CTNNA2: variants seen among roughly 807,000 people sequenced by gnomAD.
The protein encoded by CTNNA2 is catenin alpha-2.
A neutral mutation model predicts 101.0 loss-of-function variants in CTNNA2; 42 were observed. The ratio of observed to expected loss-of-function variants is 0.42; its 90% CI spans 0.32 to 0.54. CTNNA2 has a LOEUF of 0.54. Ranked by LOEUF, CTNNA2 falls within the 20% of genes least tolerant of loss-of-function variation. The probability of loss-of-function intolerance (pLI) is 0.14; values close to 1 mark genes in which losing one functional copy is unlikely to be tolerated. For missense variants in CTNNA2, 871 were observed against 1,223.1 expected (o/e 0.71, Z 4.29); for synonymous variants, 450 against 456.4 (o/e 0.99, Z 0.18).
At position 79,668,159 on chromosome 2, in the gene CTNNA2, G is replaced by A. The variant is rs553703894; in HGVS notation, c.102+16501G>A. Among the ~76,000 whole-genome samples, 317 of 143,074 alleles carry A rather than the reference G, an allele frequency of 2.2e-3. 3 individuals carry two copies. Among genetic ancestry groups the A allele is most frequent in the East Asian group, 4.5e-3 (20 of 4,476 alleles). The allele number at this position is 143,074 out of a possible 152,430, so 93.9% of individuals were successfully genotyped here. A position where few individuals can be genotyped will look rare whatever the true frequency, so the allele number is the denominator to read the frequency against. On this transcript the variant is annotated intron_variant, in intron 2 of 18. Transcript: ENST00000402739. ...GGAGGCTGAGGCAGGAGAATGGCGT[G>A]AACCCAGGAAGTGGAGCTTGCAGTG... is the stretch of plus-strand genomic sequence containing the variant.
chr2:79,471,542 A>C (rs147447103), intron 4 of CTNNA2, among the ~76,000 whole-genome samples: 1 of 152,282 alleles, frequency 6.6e-6, no homozygotes, highest in African/African-American at 2.4e-5. Context: ...TCGGAGGTTA[A>C]GATTTTAACA....
At chr2:80,018,081 G>A (rs1694278822) in intron 7 of CTNNA2, among the ~76,000 whole-genome samples, 1 of 152,158 alleles carries the variant, frequency 6.6e-6, no homozygotes, top group Non-Finnish European at 1.5e-5. Context: ...GTAATTTTAA[G>A]GAGATGGAAT....
intron 2 of CTNNA2, among the ~76,000 whole-genome samples, chr2:79,694,484 CTATT>C (rs1232692891): frequency 2.0e-5 from 3 of 151,480 alleles, no homozygotes; most frequent in Non-Finnish European, 4.4e-5. Flanking sequence ...TCTTTGTCAA[CTATT>C]TGAGCTTAAC....
At chr2:80,219,600 C>T (rs1708461873) in intron 7 of CTNNA2, among the ~76,000 whole-genome samples, 1 of 152,150 alleles carries the variant, frequency 6.6e-6, no homozygotes, top group Non-Finnish European at 1.5e-5. Context: ...CCTATCTTCT[C>T]TGTAATACCT....
chr2:80,037,067 A>T (rs1695715614), intron 7 of CTNNA2, among the ~76,000 whole-genome samples: 1 of 152,160 alleles, frequency 6.6e-6, no homozygotes, highest in African/African-American at 2.4e-5. Flanking sequence ...AATGAATGTT[A>T]CTGTTGAGTC....
Position 80,313,475 on chromosome 2 carries a change from C to T in CTNNA2, c.1057-79736C>T, listed in dbSNP as rs17018984. ...CAAACCAATATTATTCATGCTATGGCAGAGATGTAAACAAGAGCTGTGGTT... is the reference window on the plus strand; with the variant it reads ...CAAACCAATATTATTCATGCTATGGTAGAGATGTAAACAAGAGCTGTGGTT... On this transcript the variant is annotated intron_variant, in intron 7 of 18. Coordinates refer to ENST00000402739, the MANE Select transcript of CTNNA2 (RefSeq NM_001282597.3). 154,526 of 1,543,296 alleles carry T rather than the reference C, an allele frequency of 0.1. 9,143 individuals are homozygous for T. The highest frequency in any genetic ancestry group is 0.28 in the East Asian group (11,541 of 41,510).
At chr2:79,436,123 C>A (rs560461088) in intron 4 of CTNNA2, among the ~76,000 whole-genome samples, 1 of 152,234 alleles carries the variant, frequency 6.6e-6, no homozygotes, top group Non-Finnish European at 1.5e-5. Context: ...ATGCAGTTAG[C>A]GTAATCTCAA....
chr2:79,217,286 G>T (rs1007348268), intron 2 of CTNNA2, among the ~76,000 whole-genome samples: 1 of 152,198 alleles, frequency 6.6e-6, no homozygotes, highest in Non-Finnish European at 1.5e-5. Context: ...GAGGTCCCCC[G>T]ATCCGAGTCA....
At chr2:79,671,727 T>C (rs1682853154) in intron 2 of CTNNA2, among the ~76,000 whole-genome samples, 2 of 152,222 alleles carry the variant, frequency 1.3e-5, no homozygotes, top group African/African-American at 4.8e-5. Context: ...ACATGATTTG[T>C]AGTATAAATT....
At chr2:80,447,176 A>G (rs999815970) in intron 9 of CTNNA2, among the ~76,000 whole-genome samples, 3 of 152,160 alleles carry the variant, frequency 2.0e-5, no homozygotes, top group Admixed American at 1.3e-4. Context: ...GGGAATGATT[A>G]GTAGTCCAGA....
At chr2:79,941,565 G>A (rs1157736229) in intron 7 of CTNNA2, among the ~76,000 whole-genome samples, 2 of 152,208 alleles carry the variant, frequency 1.3e-5, no homozygotes, top group Non-Finnish European at 2.9e-5. Flanking sequence ...AGCAGTGAGT[G>A]CTGGATGATA....
chr2:80,636,560 A>T (rs937303136), intron 18 of CTNNA2, among the ~76,000 whole-genome samples: 33 of 152,158 alleles, frequency 2.2e-4, no homozygotes, highest in African/African-American at 7.5e-4. Context: ...GAATGAGGTA[A>T]GGTGGTGTCA....
intron 18 of CTNNA2, among the ~76,000 whole-genome samples, chr2:80,619,458 C>A (rs1427135557): frequency 1.3e-5 from 2 of 151,840 alleles, no homozygotes; most frequent in Non-Finnish European, 2.9e-5. Flanking sequence ...ATTTTTATTT[C>A]TTTATTTCTC....
chr2:80,494,007 G>T (rs550991893), intron 9 of CTNNA2, among the ~76,000 whole-genome samples: 1 of 152,278 alleles, frequency 6.6e-6, no homozygotes, highest in East Asian at 1.9e-4. Flanking sequence ...GTGGATAAGT[G>T]GTCTGCGTGA....
chr2:79,324,237 G>A (rs1227202897), intron 3 of CTNNA2, among the ~76,000 whole-genome samples: 2 of 152,214 alleles, frequency 1.3e-5, no homozygotes, highest in Admixed American at 1.3e-4. Flanking sequence ...CCACATAGGG[G>A]CACCCACCTG....
intron 1 of CTNNA2, among the ~76,000 whole-genome samples, chr2:79,197,425 G>GC (rs1277419261): frequency 6.6e-6 from 1 of 152,212 alleles, no homozygotes; most frequent in Non-Finnish European, 1.5e-5. Flanking sequence ...TATAGAAGCT[G>GC]CCAGTCATTG....
At chr2:79,528,366 C>A (rs887686625) in intron 1 of CTNNA2, among the ~76,000 whole-genome samples, 3 of 151,876 alleles carry the variant, frequency 2.0e-5, no homozygotes, top group Non-Finnish European at 4.4e-5. Flanking sequence ...GGTATGCCAC[C>A]ATGCTTGGCT....
chr2:79,646,504 T>C (rs1383408899), intron 1 of CTNNA2, among the ~76,000 whole-genome samples: 1 of 151,224 alleles, frequency 6.6e-6, no homozygotes, highest in Admixed American at 6.6e-5. Context: ...GGAAACACAA[T>C]TTAAAACTTT....
At position 80,604,085 on chromosome 2, in the gene CTNNA2, C is replaced by T; in HGVS notation, c.2201C>T (p.Pro734Leu). The T allele has an allele frequency of 1.2e-6, 2 of 1,612,726 alleles. No homozygotes were observed. The highest frequency in any genetic ancestry group is 1.7e-6 in the Non-Finnish European group (2 of 1,179,254). ...EMTDFTRGKG[P>L]LKNTSDVINA... ...ATATGTTGTTTCAGAGGCAAAGGCCCATTGAAAAATACATCTGATGTCATT... is the reference window on the plus strand; with the variant it reads ...ATATGTTGTTTCAGAGGCAAAGGCCTATTGAAAAATACATCTGATGTCATT... Residue 734 changes from proline (P) to leucine (L), a missense_variant, in exon 16 of 19, where the codon CCA becomes CTA. By Grantham distance (98) the Pro-to-Leu change is moderately conservative. Transcript: ENST00000402739.
Sources: allele counts gnomAD v4.1 joint callset (sites outside exome capture counted in the v4.1 genomes callset), GRCh38; gene constraint gnomAD v4.1.1; transcripts MANE v1.5; gene names NCBI Gene and HGNC (gene_info 2026-07-23, HGNC 2026-07-21).